The following MMP16 variants were observed in gnomAD, a reference collection of about 807,000 sequenced individuals.
MMP16 encodes matrix metallopeptidase 16, also known as matrix metalloproteinase-16.
In MMP16, 12 loss-of-function variants were observed where a neutral mutation model predicts 67.8. The observed-to-expected ratio is 0.18, with a 90% CI of 0.11 to 0.29. The LOEUF is 0.29. Among genes scored for constraint, MMP16 ranks in the 10% least tolerant of loss-of-function variants. The probability of loss-of-function intolerance (pLI) is 1.00; values close to 1 mark genes in which losing one functional copy is unlikely to be tolerated. For missense variants in MMP16, 475 were observed against 765.7 expected, an observed-to-expected ratio of 0.62 and a Z score of 4.48; for synonymous variants, 249 against 255.9, an observed-to-expected ratio of 0.97 and a Z score of 0.26.
At chr8:88,097,617 C>A (rs1445762328) in intron 6 of MMP16, among the ~76,000 whole-genome samples, 3 of 130,464 alleles carry the variant, frequency 2.3e-5, no homozygotes, top group African/African-American at 9.2e-5. Flanking sequence ...CAGAGCAAAA[C>A]CCTGTCTCAA....
chr8:88,075,938 TACACACACACACACACAC>T lies in MMP16; in HGVS notation c.1084-1213_1084-1196del, dbSNP rs71556442. On this transcript the variant is annotated intron_variant, in intron 6 of 9. Coordinates refer to ENST00000286614, the MANE Select transcript of MMP16 (RefSeq NM_005941.5). ...GATTTATCAATTACTCATATATTCATACACACACACACACACACACACACACACACACACACAAAATCT... is the reference window on the plus strand; with the variant it reads ...GATTTATCAATTACTCATATATTCATACACACACACACACACACAAAATCT... 1.3e-3 allele frequency among the ~76,000 whole-genome samples: 189 copies of T among 140,498 alleles called. 1 individual carries two copies. Among genetic ancestry groups the T allele is most frequent in the Middle Eastern group, 7.0e-3 (2 of 284 alleles). 92.2% of individuals were successfully genotyped at this position (140,498 alleles called of 152,430 possible). A position where few individuals can be genotyped will look rare whatever the true frequency, so the allele number is the denominator to read the frequency against.
At chr8:88,229,818 C>T (rs1220046712) in intron 1 of MMP16, among the ~76,000 whole-genome samples, 5 of 151,930 alleles carry the variant, frequency 3.3e-5, no homozygotes, top group African/African-American at 1.2e-4. Flanking sequence ...ACATCCAAGT[C>T]TAAATGACCG....
chr8:88,234,479 G>A (rs1056743415), intron 1 of MMP16, among the ~76,000 whole-genome samples: 2 of 152,148 alleles, frequency 1.3e-5, no homozygotes, highest in Non-Finnish European at 2.9e-5. Context: ...AACTCTTTCT[G>A]TTTTAATGGC....
Position 88,147,938 on chromosome 8 carries a change from A to G in MMP16, c.709+19731T>C, listed in dbSNP as rs989010673. Among the ~76,000 whole-genome samples, 9 of 151,706 alleles carry G rather than the reference A, an allele frequency of 5.9e-5. No homozygotes were observed. The South Asian group carries it at 1.7e-3, about 28-fold the overall frequency. ...CTTTCCCCCGTTTTCTCCTTCTGGG[A>G]CTCCAATTGTATTATATTACATCAT... is the stretch of plus-strand genomic sequence containing the variant. On this transcript the variant is annotated intron_variant, in intron 4 of 9. Coordinates refer to ENST00000286614, the MANE Select transcript of MMP16 (RefSeq NM_005941.5).
chr8:88,320,744 GC>G (rs1372290699), intron 1 of MMP16, among the ~76,000 whole-genome samples: 1 of 152,050 alleles, frequency 6.6e-6, no homozygotes, highest in Non-Finnish European at 1.5e-5. Flanking sequence ...GAGTCTTTAA[GC>G]AGCTCAATAG....
chr8:88,188,803 G>A (rs1586196527), intron 2 of MMP16, among the ~76,000 whole-genome samples: 1 of 152,092 alleles, frequency 6.6e-6, no homozygotes, highest in African/African-American at 2.4e-5. Context: ...TTACAGGCAT[G>A]CGCCACCACA....
intron 1 of MMP16, among the ~76,000 whole-genome samples, chr8:88,294,496 ATATG>A (rs1810980423): frequency 6.7e-6 from 1 of 149,358 alleles, no homozygotes; most frequent in Admixed American, 6.8e-5. Flanking sequence ...CTATACACAC[ATATG>A]TATATGTCTC....
chr8:88,168,792 T>G (rs1377364522), intron 3 of MMP16, among the ~76,000 whole-genome samples: 1 of 152,160 alleles, frequency 6.6e-6, no homozygotes, highest in Admixed American at 6.6e-5. Context: ...ATGGGTAAAT[T>G]TCATAGGAGT....
intron 1 of MMP16, among the ~76,000 whole-genome samples, chr8:88,267,858 A>G (rs1225228737): frequency 1.3e-5 from 2 of 152,210 alleles, no homozygotes; most frequent in South Asian, 4.1e-4. Flanking sequence ...TGGTCCCAAA[A>G]TTGACATCAT....
intron 2 of MMP16, among the ~76,000 whole-genome samples, chr8:88,187,431 T>A (rs1020347738): frequency 6.6e-6 from 1 of 152,188 alleles, no homozygotes; most frequent in Non-Finnish European, 1.5e-5. Context: ...GGGTAGTTTT[T>A]CTTTAGTGCG....
chr8:88,197,543 GTAAT>G (rs977198175), intron 1 of MMP16, among the ~76,000 whole-genome samples: 4 of 152,046 alleles, frequency 2.6e-5, no homozygotes, highest in Non-Finnish European at 4.4e-5. Context: ...TAAAAAAAGA[GTAAT>G]TATTTGTTGC....
chr8:88,125,051 G>A (rs1807903988), intron 4 of MMP16, among the ~76,000 whole-genome samples: 1 of 151,802 alleles, frequency 6.6e-6, no homozygotes, highest in Admixed American at 6.6e-5. Flanking sequence ...TTCAACCTGT[G>A]AATTTTGTGG....
chr8:88,097,891 A>G (rs1563530759), intron 6 of MMP16, among the ~76,000 whole-genome samples: 1 of 152,006 alleles, frequency 6.6e-6, no homozygotes, highest in East Asian at 2.0e-4. Context: ...TAATGGAATT[A>G]CCTGGAGTTA....
At chr8:88,277,712 G>C (rs28904568) in intron 1 of MMP16, among the ~76,000 whole-genome samples, 1,652 of 152,256 alleles carry the variant, frequency 0.011, 32 homozygotes, top group African/African-American at 0.037. Flanking sequence ...GACAAGGAAT[G>C]AATTTTTGAT....
intron 1 of MMP16, among the ~76,000 whole-genome samples, chr8:88,243,096 G>A (rs370417422): frequency 1.7e-4 from 26 of 152,260 alleles, no homozygotes; most frequent in African/African-American, 5.3e-4. Context: ...AAGAATGGGA[G>A]TTCTCAGTCA....
At chr8:88,309,799 C>A (rs1004947346) in intron 1 of MMP16, among the ~76,000 whole-genome samples, 5 of 152,072 alleles carry the variant, frequency 3.3e-5, no homozygotes, top group African/African-American at 9.7e-5. Flanking sequence ...GCAAATCCAT[C>A]ATATATTTAA....
intron 4 of MMP16, among the ~76,000 whole-genome samples, chr8:88,128,698 A>AT (rs1170040020): frequency 6.6e-6 from 1 of 151,784 alleles, no homozygotes; most frequent in South Asian, 2.1e-4. Flanking sequence ...ATTAGCAATG[A>AT]TTAGCAAAAA....
intron 1 of MMP16, among the ~76,000 whole-genome samples, chr8:88,240,284 T>A (rs1810014259): frequency 2.0e-5 from 3 of 152,208 alleles, no homozygotes. Flanking sequence ...AAATTGAGAA[T>A]GTAATATTTT....
intron 7 of MMP16, among the ~76,000 whole-genome samples, chr8:88,072,884 A>G (rs943994342): frequency 6.6e-6 from 1 of 152,284 alleles, no homozygotes; most frequent in African/African-American, 2.4e-5. Context: ...CCACTGGAGG[A>G]CATGCCTTTT....
Sources: allele counts gnomAD v4.1 joint callset (sites outside exome capture counted in the v4.1 genomes callset), GRCh38; gene constraint gnomAD v4.1.1; transcripts MANE v1.5; gene names NCBI Gene and HGNC (gene_info 2026-07-23, HGNC 2026-07-21).